DNAI7: variants seen among roughly 807,000 people sequenced by gnomAD.
DNAI7 encodes dynein axonemal intermediate chain 7.
Under a neutral mutation model 86.6 loss-of-function variants are expected in DNAI7, and 78 were observed. The observed-to-expected ratio is 0.90, with a 90% CI of 0.75 to 1.09. DNAI7 has a LOEUF of 1.09. Among genes scored for constraint, DNAI7 ranks in the 50% least tolerant of loss-of-function variants. The pLI is 0.00. For synonymous variants in DNAI7, 274 were observed against 273.0 expected (o/e 1.00, Z -0.04); for missense variants, 753 against 810.2 (o/e 0.93, Z 0.86).
At chr12:25,179,940 T>C (rs1949346443) in intron 2 of DNAI7, among the ~76,000 whole-genome samples, 1 of 152,056 alleles carries the variant, frequency 6.6e-6, no homozygotes, top group South Asian at 2.1e-4. Flanking sequence ...ATCCTAGCCA[T>C]ACCAATCAGT....
At chr12:25,129,159 G>A (rs1592282385) in intron 9 of DNAI7, among the ~76,000 whole-genome samples, 1 of 151,922 alleles carries the variant, frequency 6.6e-6, no homozygotes, top group African/African-American at 2.4e-5. Flanking sequence ...TTGTCATCTG[G>A]GTCTCGGCTA....
At chr12:25,124,947 C>T (rs1358508206) in intron 9 of DNAI7, among the ~76,000 whole-genome samples, 3 of 152,112 alleles carry the variant, frequency 2.0e-5, no homozygotes. Flanking sequence ...GCAAAAGACA[C>T]GATCTCATTC....
At chr12:25,142,921 C>A (rs976129726) in intron 9 of DNAI7, among the ~76,000 whole-genome samples, 3 of 152,106 alleles carry the variant, frequency 2.0e-5, no homozygotes, top group Admixed American at 6.6e-5. Flanking sequence ...GGAGTATAAT[C>A]CTTCCATATT....
intron 9 of DNAI7, among the ~76,000 whole-genome samples, chr12:25,135,020 G>A (rs1197364113): frequency 6.6e-6 from 1 of 152,180 alleles, no homozygotes; most frequent in African/African-American, 2.4e-5. Context: ...TGAGTGTATG[G>A]AGACTCACAT....
chr12:25,158,835 A>T, intron 3 of DNAI7: 1 of 415,070 alleles, frequency 2.4e-6, no homozygotes, highest in Non-Finnish European at 4.2e-6. Context: ...CAGACACATG[A>T]AAAAATGTTC....
At chr12:25,119,024 C>G in intron 12 of DNAI7, 121 bp downstream of exon 12, 1 of 763,994 alleles carries the variant, frequency 1.3e-6, no homozygotes, top group South Asian at 2.7e-5. Flanking sequence ...AAAACAAGAC[C>G]CTTGAATTGG....
intron 9 of DNAI7, among the ~76,000 whole-genome samples, chr12:25,143,174 G>A (rs767432828): frequency 2.6e-5 from 4 of 151,344 alleles, no homozygotes; most frequent in Non-Finnish European, 5.9e-5. Context: ...TGTCATTAGA[G>A]TCTAAATACA....
At chr12:25,165,960 C>A (rs942423735) in intron 2 of DNAI7, among the ~76,000 whole-genome samples, 3 of 152,144 alleles carry the variant, frequency 2.0e-5, no homozygotes, top group Non-Finnish European at 4.4e-5. Flanking sequence ...TGGGCTACAG[C>A]CACACCTCAA....
chr12:25,177,359 T>A (rs1296675014), intron 2 of DNAI7, among the ~76,000 whole-genome samples: 2 of 152,168 alleles, frequency 1.3e-5, no homozygotes, highest in Non-Finnish European at 2.9e-5. Context: ...GCCCTGTCAC[T>A]CACCATTCTA....
At chr12:25,161,679 G>A (rs1946851460) in intron 2 of DNAI7, among the ~76,000 whole-genome samples, 1 of 152,198 alleles carries the variant, frequency 6.6e-6, no homozygotes, top group African/African-American at 2.4e-5. Context: ...TTATAGAGTA[G>A]GTGGTATTTA....
intron 2 of DNAI7, among the ~76,000 whole-genome samples, chr12:25,181,666 C>T (rs139705379): frequency 6.6e-6 from 1 of 151,394 alleles, no homozygotes; most frequent in Non-Finnish European, 1.5e-5. Context: ...TACCCAGAAT[C>T]GATAAGGAAC....
chr12:25,150,898 C>T (rs190648998), intron 6 of DNAI7, among the ~76,000 whole-genome samples: 86 of 152,224 alleles, frequency 5.6e-4, no homozygotes, highest in African/African-American at 1.9e-3. Flanking sequence ...TTACTGAATG[C>T]TTACAATGCA....
chr12:25,144,436 T>C lies in DNAI7; in HGVS notation c.931A>G (p.Arg311Gly), dbSNP rs767235967. 7.4e-6 allele frequency: 12 copies of C among 1,614,184 alleles called. No individual in the cohort carries two copies. In the Admixed American group the frequency reaches 1.8e-4, roughly 25 times the overall value. ...TCCTCCTGAATTAAGTGAGACCCTCTTTCTTGTTGTTTGGACTCTTCTTCG... is the reference window on the plus strand; with the variant it reads ...TCCTCCTGAATTAAGTGAGACCCTCCTTCTTGTTGTTTGGACTCTTCTTCG... ...EVEEESKQQE[R>G]GSHLIQEEEI... Residue 311 changes from arginine to glycine, a missense_variant, in exon 9 of 16, where the codon AGA (arginine) becomes GGA (glycine). Arg to Gly is a moderately radical substitution (Grantham distance 125). Transcript: ENST00000395987.
At chr12:25,124,603 A>G (rs529499974) in intron 9 of DNAI7, among the ~76,000 whole-genome samples, 2 of 152,294 alleles carry the variant, frequency 1.3e-5, no homozygotes, top group South Asian at 4.1e-4. Context: ...TAAAGGTAGT[A>G]AGTTTGAACT....
intron 7 of DNAI7, among the ~76,000 whole-genome samples, chr12:25,148,343 G>A (rs561569567): frequency 2.6e-5 from 4 of 152,238 alleles, no homozygotes; most frequent in Non-Finnish European, 4.4e-5. Flanking sequence ...GCATTCTATC[G>A]AAGACATATG....
At chr12:25,120,317 GGAGAGA>G (rs369253749) in intron 11 of DNAI7, among the ~76,000 whole-genome samples, 1 of 80,812 alleles carries the variant, frequency 1.2e-5, no homozygotes, top group Non-Finnish European at 2.8e-5. Context: ...GCAGGAAGAG[GGAGAGA>G]GAGAGAGAGA....
At chr12:25,123,124 C>A in intron 10 of DNAI7, 87 bp downstream of exon 10, 1 of 861,992 alleles carries the variant, frequency 1.2e-6, no homozygotes, top group African/African-American at 1.8e-5. Flanking sequence ...TTTGCAATGT[C>A]TGAATTTTTT....
Position 25,154,342 on chromosome 12 carries a change from C to G in DNAI7, c.415G>C (p.Glu139Gln), listed in dbSNP as rs1182230705. 4 of 1,609,182 alleles carry G rather than the reference C, an allele frequency of 2.5e-6. No homozygotes were observed. Among genetic ancestry groups the G allele is most frequent in the Non-Finnish European group, 8.5e-7 (1 of 1,178,974 alleles). Residue 139 changes from glutamate (E) to glutamine (Q), a missense_variant, in exon 6 of 16, where the codon GAG (glutamate) becomes CAG (glutamine). Physicochemically the swap from Glu to Gln is conservative, Grantham distance 29. Coordinates refer to ENST00000395987, the MANE Select transcript of DNAI7 (RefSeq NM_018272.5). ...KTNETFEEVI[E>Q]KSKVVLNLIE... ...ACATTTAGCACTACTTTACTCTTCT[C>G]AATCACTTCCTCAAAAGTCTCATTT...
chr12:25,191,527 AC>A (rs1193430770), intron 1 of DNAI7, among the ~76,000 whole-genome samples: 1 of 151,802 alleles, frequency 6.6e-6, no homozygotes, highest in African/African-American at 2.4e-5. Context: ...ACACGGTGAA[AC>A]CCCGTCTCTA....
Sources: allele counts gnomAD v4.1 joint callset (sites outside exome capture counted in the v4.1 genomes callset), GRCh38; gene constraint gnomAD v4.1.1; transcripts MANE v1.5; gene names NCBI Gene and HGNC (gene_info 2026-07-23, HGNC 2026-07-21).